The following ZNF84 variants were observed in gnomAD, a reference collection of about 807,000 sequenced individuals.
The protein encoded by ZNF84 is zinc finger protein 84, also known as zinc finger protein HPF2.
In ZNF84, 12 loss-of-function variants were observed where a neutral mutation model predicts 14.8. That is an observed-to-expected ratio of 0.81 (90% CI 0.52 to 1.31). The LOEUF (loss-of-function observed/expected upper bound fraction) is 1.31, where lower values mean the gene tolerates loss of function less well. Ranked by LOEUF, ZNF84 falls within the 50% of genes most tolerant of loss-of-function variation. ZNF84 has a pLI of 0.00. For missense variants in ZNF84, 859 were observed against 878.6 expected, an observed-to-expected ratio of 0.98 and a Z score of 0.28; for synonymous variants, 347 against 291.1, an observed-to-expected ratio of 1.19 and a Z score of -1.96.
chr12:133,063,084 G>A lies in ZNF84; in HGVS notation c.*4152G>A, dbSNP rs1954291893. 1 of 702,162 alleles carries A rather than the reference G, an allele frequency of 1.4e-6. No individual in the cohort carries two copies. Among genetic ancestry groups the A allele is most frequent in the African/African-American group, 1.7e-5 (1 of 57,352 alleles). 43.5% of individuals were successfully genotyped at this position (702,162 alleles called of 1,614,324 possible). A position where few individuals can be genotyped will look rare whatever the true frequency, so the allele number is the denominator to read the frequency against. The stretch of plus-strand genomic sequence containing the variant: ...ATATTTAAATGTGGGTGCAGTGAGT[G>A]GCTGTTTTCTGCCACATGGAGAAAC... On this transcript the variant is annotated 3_prime_UTR_variant, in exon 5 of 5. Transcript: ENST00000539354.
At position 133,057,219 on chromosome 12, in the gene ZNF84, C is replaced by G. The variant is rs1418922282; in HGVS notation, c.504C>G (p.Ser168=). Residue 168 remains serine, a synonymous_variant, in exon 5 of 5, where the codon TCC becomes TCG. Coordinates refer to ENST00000539354, the MANE Select transcript of ZNF84 (RefSeq NM_001289971.2). ...TGTTTGATAATTTTTTTCTCCATTCCAAGCCTGAGGATACTGATACCTGGT... is the reference window on the plus strand; with the variant it reads ...TGTTTGATAATTTTTTTCTCCATTCGAAGCCTGAGGATACTGATACCTGGT... ...FNVFDNFFLH[S]KPEDTDTWLK... 1.2e-6 allele frequency: 2 copies of G among 1,613,184 alleles called. No homozygotes were observed. The highest frequency in any genetic ancestry group is 8.5e-7 in the Non-Finnish European group (1 of 1,179,866).
intron 2 of ZNF84, among the ~76,000 whole-genome samples, chr12:133,044,627 G>C (rs1953945995): frequency 2.6e-5 from 4 of 152,118 alleles, no homozygotes; most frequent in Admixed American, 2.6e-4. Flanking sequence ...AAAGAATATA[G>C]CTATTTGGCC....
rs1954223318 is a variant in ZNF84, at chr12:133,059,606, A to G, written c.*674A>G. The G allele has an allele frequency of 6.6e-6, 1 of 152,126 alleles. No homozygotes were observed. 9.4% of individuals were successfully genotyped at this position (152,126 alleles called of 1,614,324 possible). A position where few individuals can be genotyped will look rare whatever the true frequency, so the allele number is the denominator to read the frequency against. ...AATTGGTTATTGAAACATCTAAGAC[A>G]TTTCTTAGTGGTATTTGTGGCTTAT... On this transcript the variant is annotated 3_prime_UTR_variant, in exon 5 of 5. Coordinates refer to ENST00000539354, the MANE Select transcript of ZNF84 (RefSeq NM_001289971.2).
rs1954181958 is a variant in ZNF84, at chr12:133,057,567, A to C, written c.852A>C (p.Thr284=). The C allele has an allele frequency of 3.7e-6, 6 of 1,614,120 alleles. No homozygotes were observed. The highest frequency in any genetic ancestry group is 5.1e-6 in the Non-Finnish European group (6 of 1,180,014). ...CACAGCTCACATCCCATCAGCGGAC[A>C]CATACAGGAGAGAAACCTTATGAGT... is the stretch of plus-strand genomic sequence containing the variant. ...QKSQLTSHQR[T]HTGEKPYECG... Residue 284 remains threonine (T), a synonymous_variant, in exon 5 of 5, where the codon ACA becomes ACC. Coordinates refer to ENST00000539354, the MANE Select transcript of ZNF84 (RefSeq NM_001289971.2).
chr12:133,039,154 T>G (rs1402750407), intron 1 of ZNF84: 4 of 152,230 alleles, frequency 2.6e-5, no homozygotes, highest in Non-Finnish European at 5.9e-5. Flanking sequence ...GATTTATGTA[T>G]TATCACAATT....
Position 133,058,816 on chromosome 12 carries a change from C to G in ZNF84, c.2101C>G (p.His701Asp). ...AFSQKSQLVNHQRIHTGEKPY... is the reference protein window; with the variant it reads ...AFSQKSQLVNDQRIHTGEKPY... The stretch of plus-strand genomic sequence containing the variant: ...CTCTCAGAAGTCACAGCTGGTTAAT[C>G]ATCAGAGAATTCATACAGGAGAGAA... The change falls in exon 5 of 5, where the codon CAT (histidine) becomes GAT (aspartate). Residue 701 changes from histidine to aspartate, a missense_variant. Transcript: ENST00000539354. The G allele has an allele frequency of 6.2e-7, 1 of 1,614,062 alleles. No homozygotes were observed. Among genetic ancestry groups the G allele is most frequent in the Non-Finnish European group, 8.5e-7 (1 of 1,179,996 alleles).
chr12:133,049,276 C>T (rs1474163532), intron 4 of ZNF84, among the ~76,000 whole-genome samples: 6 of 152,014 alleles, frequency 3.9e-5, no homozygotes, highest in African/African-American at 7.2e-5. Flanking sequence ...AAGACACCTC[C>T]GTTTGTACAT....
Position 133,059,126 on chromosome 12 carries a change from A to G in ZNF84, c.*194A>G, listed in dbSNP as rs922778963. ...AACCTATGACTGCAGTGGATCTCAA[A>G]AACTTTTAAAACCATAGACAAGCCT... On this transcript the variant is annotated 3_prime_UTR_variant, in exon 5 of 5. Transcript: ENST00000539354. 9.3e-5 allele frequency: 51 copies of G among 550,052 alleles called. No homozygotes were observed. The South Asian group carries it at 1.4e-3, about 15-fold the overall frequency. 34.1% of individuals were successfully genotyped at this position (550,052 alleles called of 1,614,324 possible).
intron 2 of ZNF84, among the ~76,000 whole-genome samples, chr12:133,043,025 C>CA (rs1953913150): frequency 6.6e-6 from 1 of 150,804 alleles, no homozygotes; most frequent in Non-Finnish European, 1.5e-5. Context: ...CGTTCTTAAA[C>CA]ACTATATTTG....
chr12:133,047,252 A>AT (rs1187592199), intron 2 of ZNF84, among the ~76,000 whole-genome samples: 9 of 151,922 alleles, frequency 5.9e-5, no homozygotes, highest in African/African-American at 2.2e-4. Flanking sequence ...ACTAGTGTTA[A>AT]TTTTTTTAAC....
At chr12:133,044,947 G>T (rs959006663) in intron 2 of ZNF84, among the ~76,000 whole-genome samples, 1 of 151,886 alleles carries the variant, frequency 6.6e-6, no homozygotes, top group African/African-American at 2.4e-5. Flanking sequence ...CTCGTCTTAA[G>T]TTGTCAAGTA....
rs919075962 is a variant in ZNF84, at chr12:133,057,547, C to T, written c.832C>T (p.Leu278Phe). 44 of 1,614,184 alleles carry T rather than the reference C, an allele frequency of 2.7e-5. No homozygotes were observed. The highest frequency in any genetic ancestry group is 3.6e-5 in the Non-Finnish European group (42 of 1,180,036). Residue 278 changes from leucine (L) to phenylalanine (F), a missense_variant, in exon 5 of 5, where the codon CTC becomes TTC. Coordinates refer to ENST00000539354, the MANE Select transcript of ZNF84 (RefSeq NM_001289971.2). ...GAAAGCCTTCTCCCAAAAGTCACAG[C>T]TCACATCCCATCAGCGGACACATAC... Reference protein sequence around the residue: ...CGKAFSQKSQLTSHQRTHTGE... With the variant: ...CGKAFSQKSQFTSHQRTHTGE...
intron 2 of ZNF84, among the ~76,000 whole-genome samples, chr12:133,044,847 G>A (rs1321860151): frequency 1.3e-5 from 2 of 151,838 alleles, no homozygotes; most frequent in Non-Finnish European, 2.9e-5. Flanking sequence ...CTGGGAGGTG[G>A]AGGTTGCAGT....
intron 4 of ZNF84, among the ~76,000 whole-genome samples, chr12:133,051,962 A>G (rs1954076937): frequency 1.3e-5 from 2 of 152,292 alleles, no homozygotes; most frequent in East Asian, 3.9e-4. Context: ...TACTATGGGT[A>G]TATTAGAGCA....
chr12:133,055,119 T>C (rs1190622282), intron 4 of ZNF84, among the ~76,000 whole-genome samples: 3 of 152,134 alleles, frequency 2.0e-5, no homozygotes, highest in African/African-American at 7.2e-5. Context: ...ATATTCTTCA[T>C]CCTAAAAATG....
At chr12:133,048,902 G>C in intron 4 of ZNF84, 54 bp downstream of exon 4, 1 of 1,453,848 alleles carries the variant, frequency 6.9e-7, no homozygotes, top group East Asian at 2.4e-5. Flanking sequence ...CATGTCATCT[G>C]GTCAGTGACG....
intron 4 of ZNF84, among the ~76,000 whole-genome samples, chr12:133,056,280 G>T (rs1954156632): frequency 6.6e-6 from 1 of 151,718 alleles, no homozygotes; most frequent in African/African-American, 2.4e-5. Flanking sequence ...TTGAGATGGA[G>T]TCTTGCTCTG....
chr12:133,042,412 A>G (rs1393549413), intron 2 of ZNF84, among the ~76,000 whole-genome samples: 1 of 152,192 alleles, frequency 6.6e-6, no homozygotes, highest in East Asian at 1.9e-4. Context: ...CAGAAGTTAT[A>G]GTCTCAGTGT....
chr12:133,045,016 G>C (rs1040781119), intron 2 of ZNF84, among the ~76,000 whole-genome samples: 1 of 152,078 alleles, frequency 6.6e-6, no homozygotes, highest in South Asian at 2.1e-4. Flanking sequence ...ACCTCAATAA[G>C]ATCCACCATT....
Sources: gnomAD v4.1 joint callset for allele counts (sites outside exome capture counted in the v4.1 genomes callset) on GRCh38, gnomAD v4.1.1 for gene constraint, MANE v1.5 for transcripts, NCBI Gene and HGNC (gene_info 2026-07-23, HGNC 2026-07-21) for gene names.